Variants in RALYL observed in about 807,000 individuals in gnomAD.
RALYL encodes RNA-binding Raly-like protein.
A neutral mutation model predicts 35.1 loss-of-function variants in RALYL; 29 were observed. The ratio of observed to expected loss-of-function variants is 0.83; its 90% CI spans 0.61 to 1.13. RALYL has a LOEUF of 1.13. Among genes scored for constraint, RALYL ranks in the 50% most tolerant of loss-of-function variants. RALYL has a pLI of 0.00. For synonymous variants in RALYL, 120 were observed against 127.6 expected, an observed-to-expected ratio of 0.94 and a Z score of 0.40; for missense variants, 359 against 360.4, an observed-to-expected ratio of 1.00 and a Z score of 0.03.
chr8:84,341,379 T>C (rs1563760396), intron 1 of RALYL, among the ~76,000 whole-genome samples: 3 of 151,974 alleles, frequency 2.0e-5, no homozygotes, highest in Non-Finnish European at 4.4e-5. Flanking sequence ...ATTCTAGTTC[T>C]TTGAATCTAG....
intron 1 of RALYL, among the ~76,000 whole-genome samples, chr8:84,363,239 A>T (rs922683016): frequency 6.6e-6 from 1 of 152,140 alleles, no homozygotes; most frequent in Non-Finnish European, 1.5e-5. Flanking sequence ...TCTGTGTCTC[A>T]TTTCTTCTAA....
chr8:84,831,055 A>G (rs1361069148), intron 4 of RALYL, among the ~76,000 whole-genome samples: 1 of 152,156 alleles, frequency 6.6e-6, no homozygotes, highest in Non-Finnish European at 1.5e-5. Context: ...TAAAATGGCA[A>G]AAATGAGAAC....
At chr8:84,381,781 T>C (rs971169285) in intron 1 of RALYL, among the ~76,000 whole-genome samples, 1 of 151,842 alleles carries the variant, frequency 6.6e-6, no homozygotes, top group African/African-American at 2.4e-5. Flanking sequence ...ATGGCCTGTT[T>C]ACTTCTTGAT....
chr8:84,429,567 A>G (rs2046920080), intron 1 of RALYL, among the ~76,000 whole-genome samples: 1 of 151,828 alleles, frequency 6.6e-6, no homozygotes, highest in Non-Finnish European at 1.5e-5. Context: ...ATGCATCTCT[A>G]TTTTTAGTTT....
intron 2 of RALYL, among the ~76,000 whole-genome samples, chr8:84,561,620 A>G (rs1401197752): frequency 6.6e-6 from 1 of 151,904 alleles, no homozygotes; most frequent in Admixed American, 6.6e-5. Flanking sequence ...CAGCATCACT[A>G]CTCTTGCACT....
intron 7 of RALYL, among the ~76,000 whole-genome samples, chr8:84,873,651 A>G (rs1840624224): frequency 1.3e-5 from 2 of 152,246 alleles, no homozygotes; most frequent in Non-Finnish European, 2.9e-5. Flanking sequence ...AATAATCAGT[A>G]GTAGTTGAGT....
chr8:84,524,304 A>G lies in RALYL; in HGVS notation c.-23-4995A>G, dbSNP rs181786650. On this transcript the variant is annotated intron_variant, in intron 1 of 8. Transcript: ENST00000521268. The stretch of plus-strand genomic sequence containing the variant: ...AAGTGGGCGAAGGACATGAACAGAC[A>G]TTTCTCAAAAGAAGACATTTATGCA... 1.1e-4 allele frequency among the ~76,000 whole-genome samples: 17 copies of G among 152,344 alleles called. No individual in the cohort carries two copies. The East Asian group carries it at 2.7e-3, about 24-fold the overall frequency.
At chr8:84,274,143 T>A (rs749591984) in intron 1 of RALYL, among the ~76,000 whole-genome samples, 5 of 152,166 alleles carry the variant, frequency 3.3e-5, no homozygotes, top group Non-Finnish European at 7.4e-5. Flanking sequence ...AAGTGAAATG[T>A]GAACTTTAAA....
intron 4 of RALYL, among the ~76,000 whole-genome samples, chr8:84,842,586 G>C (rs1252513160): frequency 2.0e-5 from 3 of 152,156 alleles, no homozygotes; most frequent in Non-Finnish European, 4.4e-5. Flanking sequence ...CCAATCAATA[G>C]AAAAAGAAGG....
At chr8:84,387,803 CTTT>C (rs112006834) in intron 1 of RALYL, among the ~76,000 whole-genome samples, 29 of 135,498 alleles carry the variant, frequency 2.1e-4, no homozygotes, top group South Asian at 7.4e-4. Flanking sequence ...TTCTTTCTTT[CTTT>C]TTTTTTTTTT....
At chr8:84,622,803 T>G (rs144511032) in intron 2 of RALYL, among the ~76,000 whole-genome samples, 1 of 152,094 alleles carries the variant, frequency 6.6e-6, no homozygotes, top group African/African-American at 2.4e-5. Context: ...ACTGTTTAAT[T>G]TGAAAAATAG....
intron 6 of RALYL, 61 bp from the exon 7 acceptor site, chr8:84,873,223 C>A: frequency 2.2e-6 from 2 of 900,240 alleles, no homozygotes; most frequent in South Asian, 1.6e-5. Flanking sequence ...TGAGTTCGGT[C>A]CTAGGTGAGT....
chr8:84,781,935 T>C (rs974862728), intron 3 of RALYL, among the ~76,000 whole-genome samples: 2 of 152,034 alleles, frequency 1.3e-5, no homozygotes, highest in African/African-American at 2.4e-5. Flanking sequence ...TGATGTAAAC[T>C]TATTATATAG....
intron 1 of RALYL, among the ~76,000 whole-genome samples, chr8:84,435,040 G>A (rs1042403807): frequency 2.0e-5 from 3 of 152,034 alleles, no homozygotes; most frequent in South Asian, 2.1e-4. Flanking sequence ...TGCTCCATTC[G>A]GCTTTTAGAT....
intron 1 of RALYL, among the ~76,000 whole-genome samples, chr8:84,500,408 GTAC>G (rs2056528920): frequency 6.6e-6 from 1 of 152,096 alleles, no homozygotes; most frequent in African/African-American, 2.4e-5. Flanking sequence ...CTGTTTTTAA[GTAC>G]TGCTATTTAA....
At chr8:84,472,041 A>G (rs985066071) in intron 1 of RALYL, among the ~76,000 whole-genome samples, 4 of 152,202 alleles carry the variant, frequency 2.6e-5, no homozygotes, top group African/African-American at 9.6e-5. Flanking sequence ...TTATTCATAA[A>G]ATAGTATGAA....
In RALYL at chr8:84,815,449, TACA is replaced by T. The variant is rs1220412174; in HGVS notation, c.365+10648_365+10650del. Among the ~76,000 whole-genome samples the T allele has an allele frequency of 1.8e-4, 27 of 148,056 alleles. No homozygotes were observed. In the South Asian group the frequency reaches 5.7e-3, roughly 31 times the overall value. ...TAAATATATTTAAATTTATTATAAA[TACA>T]TAATACTGAATGTTTATATTATTAT... On this transcript the variant is annotated intron_variant, in intron 4 of 8. Coordinates refer to ENST00000521268, the MANE Select transcript of RALYL (RefSeq NM_173848.7).
chr8:84,199,541 C>T (rs1322363675), intron 1 of RALYL, among the ~76,000 whole-genome samples: 2 of 151,986 alleles, frequency 1.3e-5, no homozygotes, highest in Admixed American at 6.6e-5. Flanking sequence ...TTGTTATGCT[C>T]GTAGGATATT....
At chr8:84,770,139 C>A (rs551523299) in intron 2 of RALYL, among the ~76,000 whole-genome samples, 4 of 152,168 alleles carry the variant, frequency 2.6e-5, no homozygotes, top group East Asian at 1.9e-4. Context: ...ATCTGATGCA[C>A]CCACCACCCT....
Sources: allele counts gnomAD v4.1 joint callset (sites outside exome capture counted in the v4.1 genomes callset), GRCh38; gene constraint gnomAD v4.1.1; transcripts MANE v1.5; gene names NCBI Gene and HGNC (gene_info 2026-07-23, HGNC 2026-07-21).